YWHAQ: variants seen among roughly 807,000 people sequenced by gnomAD.
The protein encoded by YWHAQ is tyrosine 3-monooxygenase/tryptophan 5-monooxygenase activation protein theta, also known as 14-3-3 protein theta.
In YWHAQ, 6 loss-of-function variants were observed where a neutral mutation model predicts 28.3. That is an observed-to-expected ratio of 0.21 (90% CI 0.12 to 0.42). The LOEUF is 0.42. Among genes scored for constraint, YWHAQ ranks in the 10% least tolerant of loss-of-function variants. The pLI is 1.00. For synonymous variants in YWHAQ, 143 were observed against 119.1 expected, an observed-to-expected ratio of 1.20 and a Z score of -1.31; for missense variants, 201 against 305.6, an observed-to-expected ratio of 0.66 and a Z score of 2.55.
Position 9,630,443 on chromosome 2 carries a change from T to C in YWHAQ, c.10A>G (p.Thr4Ala), listed in dbSNP as rs1390448720. The C allele has an allele frequency of 6.2e-7, 1 of 1,607,156 alleles. No individual in the cohort carries two copies. Among genetic ancestry groups the C allele is most frequent in the African/African-American group, 1.3e-5 (1 of 74,968 alleles). The stretch of plus-strand genomic sequence containing the variant: ...AGCTTGGCCTTCTGGATCAGCTCAG[T>C]CTTCTCCATGGCGGGCGCGGGGCCG... MEK[T>A]ELIQKAKLAE... The change falls in exon 2 of 6, where the codon ACT becomes GCT. Residue 4 changes from threonine (T) to alanine (A), a missense_variant. Thr to Ala is a moderately conservative substitution (Grantham distance 58). Coordinates refer to ENST00000238081, the MANE Select transcript of YWHAQ (RefSeq NM_006826.4). The surrounding 1 kb of genome is among the most constrained non-coding windows in gnomAD (Gnocchi z 5.6).
chr2:9,613,386 T>C (rs1666986707), intron 2 of YWHAQ, among the ~76,000 whole-genome samples: 1 of 152,242 alleles, frequency 6.6e-6, no homozygotes, highest in Admixed American at 6.5e-5. Context: ...GTTGTCATGA[T>C]GTCAGAGAAT....
At chr2:9,599,090 G>A (rs866736805) in intron 2 of YWHAQ, among the ~76,000 whole-genome samples, 22 of 152,296 alleles carry the variant, frequency 1.4e-4, no homozygotes, top group African/African-American at 5.3e-4. Flanking sequence ...AACTTTATGT[G>A]GTCTGAATAG....
intron 2 of YWHAQ, among the ~76,000 whole-genome samples, chr2:9,608,319 A>G (rs890894867): frequency 3.9e-5 from 6 of 152,230 alleles, no homozygotes; most frequent in African/African-American, 2.4e-5. Context: ...AGCTACAGCA[A>G]TAAGTGAAAG....
chr2:9,624,882 A>G (rs1234615144), intron 2 of YWHAQ, among the ~76,000 whole-genome samples: 1 of 151,630 alleles, frequency 6.6e-6, no homozygotes, highest in African/African-American at 2.4e-5. Flanking sequence ...AACTGGGATT[A>G]CAGGTGCCCG....
chr2:9,597,695 G>A (rs1666602176), intron 2 of YWHAQ, among the ~76,000 whole-genome samples: 1 of 148,800 alleles, frequency 6.7e-6, no homozygotes. Flanking sequence ...ATCCAAGAAT[G>A]ATGAATCAAC....
intron 2 of YWHAQ, among the ~76,000 whole-genome samples, chr2:9,599,735 A>G (rs1666650839): frequency 6.6e-6 from 1 of 152,222 alleles, no homozygotes; most frequent in Non-Finnish European, 1.5e-5. Flanking sequence ...CCTGTTTACC[A>G]AAGAGCTCTG....
rs546875405 is a variant in YWHAQ at position 9,624,522 on chromosome 2, T to TGG, written c.294+5635_294+5636dup. ...CATCTCAACCTTGGCATTATTGGCA[T>TGG]GGGGGGGGCTGGGGTCTTCGTTGGG... is the stretch of plus-strand genomic sequence containing the variant. On this transcript the variant is annotated intron_variant, in intron 2 of 5. Transcript: ENST00000238081. Among the ~76,000 whole-genome samples, 6 of 151,608 alleles carry TGG rather than the reference T, an allele frequency of 4.0e-5. No individual in the cohort carries two copies. In the South Asian group the frequency reaches 1.0e-3, roughly 26 times the overall value.
chr2:9,590,915 T>G (rs761784594), intron 3 of YWHAQ, among the ~76,000 whole-genome samples: 3 of 152,200 alleles, frequency 2.0e-5, no homozygotes, highest in Non-Finnish European at 4.4e-5. Context: ...TTATATGTAA[T>G]TAGCAGTCAA....
chr2:9,610,263 T>C (rs943675456), intron 2 of YWHAQ, among the ~76,000 whole-genome samples: 2 of 152,222 alleles, frequency 1.3e-5, no homozygotes, highest in African/African-American at 4.8e-5. Flanking sequence ...TTAACCAATA[T>C]CTACATGCTA....
At chr2:9,595,179 C>T (rs1056538069) in intron 2 of YWHAQ, among the ~76,000 whole-genome samples, 17 of 152,170 alleles carry the variant, frequency 1.1e-4, no homozygotes, top group Admixed American at 1.0e-3. Flanking sequence ...TTTCCATATA[C>T]TATCAGTAGT....
chr2:9,587,894 ATCTTTT>A, intron 4 of YWHAQ, among the ~76,000 whole-genome samples: 3 of 152,152 alleles, frequency 2.0e-5, no homozygotes, highest in Non-Finnish European at 4.4e-5. Flanking sequence ...TGACTTTCTA[ATCTTTT>A]ATGTTTCCTT....
rs1284736029 is a variant in YWHAQ, at chr2:9,584,658, T to TA, written c.*627dup. The TA allele has an allele frequency of 3.9e-5, 6 of 152,556 alleles. No individual in the cohort carries two copies. The allele number at this position is 152,556 out of a possible 1,614,324, so 9.5% of individuals were successfully genotyped here. Reference sequence around the variant, plus strand: ...TTATTGGGAGGGGAGGTTGGCAACTTAAACAGCAGCAAATAAAGAGTGAAT... The same window carrying TA: ...TTATTGGGAGGGGAGGTTGGCAACTTAAAACAGCAGCAAATAAAGAGTGAAT... On this transcript the variant is annotated 3_prime_UTR_variant, in exon 6 of 6. Transcript: ENST00000238081.
intron 2 of YWHAQ, among the ~76,000 whole-genome samples, chr2:9,626,452 CAG>C (rs1667248250): frequency 6.6e-6 from 1 of 152,130 alleles, no homozygotes; most frequent in South Asian, 2.1e-4. Flanking sequence ...TTTTTGTTTT[CAG>C]AGTCTCGCTC....
chr2:9,619,270 T>C (rs937819383), intron 2 of YWHAQ, among the ~76,000 whole-genome samples: 1 of 152,186 alleles, frequency 6.6e-6, no homozygotes, highest in South Asian at 2.1e-4. Context: ...AAGGATCACC[T>C]TCCAGAGATG....
chr2:9,603,671 C>T (rs1666759122), intron 2 of YWHAQ, among the ~76,000 whole-genome samples: 1 of 151,792 alleles, frequency 6.6e-6, no homozygotes, highest in African/African-American at 2.4e-5. Context: ...ACCTGGTAAT[C>T]CCAACACTTC....
chr2:9,613,340 A>G (rs1666986223), intron 2 of YWHAQ, among the ~76,000 whole-genome samples: 1 of 152,214 alleles, frequency 6.6e-6, no homozygotes, highest in African/African-American at 2.4e-5. Flanking sequence ...ATTAACTGGA[A>G]TATTTGCCAA....
At chr2:9,589,890 C>T (rs1666425488) in intron 3 of YWHAQ, among the ~76,000 whole-genome samples, 1 of 152,158 alleles carries the variant, frequency 6.6e-6, no homozygotes, top group African/African-American at 2.4e-5. Flanking sequence ...TATGAGGCCA[C>T]TGGCCTATTA....
At position 9,585,266 on chromosome 2, in the gene YWHAQ, G is replaced by A. The variant is rs41264177; in HGVS notation, c.*20C>T. On this transcript the variant is annotated 3_prime_UTR_variant, in exon 6 of 6. Transcript: ENST00000238081. The stretch of plus-strand genomic sequence containing the variant: ...TAAAAAGGTTTCTTGAAGGAAAGAA[G>A]GATGACACCCTGTATGGATTTAGTT... The A allele has an allele frequency of 2.0e-5, 32 of 1,613,858 alleles. No individual in the cohort carries two copies. The highest frequency in any genetic ancestry group is 2.5e-5 in the Non-Finnish European group (30 of 1,179,890).
rs1553375905 is a variant in YWHAQ at position 9,630,460 on chromosome 2, G to GGGGC, written c.-9_-8insGCCC. On this transcript the variant is annotated 5_prime_UTR_variant, in exon 2 of 6. Coordinates refer to ENST00000238081, the MANE Select transcript of YWHAQ (RefSeq NM_006826.4). The surrounding 1 kb of genome is among the most constrained non-coding windows in gnomAD (Gnocchi z 5.6). ...CAGCTCAGTCTTCTCCATGGCGGGCGCGGGGCCGGGGCCGGGGCGGAGGGC... is the reference window on the plus strand; with the variant it reads ...CAGCTCAGTCTTCTCCATGGCGGGCGGGGCCGGGGCCGGGGCCGGGGCGGAGGGC... The GGGGC allele has an allele frequency of 2.5e-6, 4 of 1,575,672 alleles. No homozygotes were observed. The highest frequency in any genetic ancestry group is 3.4e-6 in the Non-Finnish European group (4 of 1,161,782).
Sources: allele counts gnomAD v4.1 joint callset (sites outside exome capture counted in the v4.1 genomes callset), GRCh38; gene constraint gnomAD v4.1.1; non-coding constraint Gnocchi (gnomAD v3.1); transcripts MANE v1.5; gene names NCBI Gene and HGNC (gene_info 2026-07-23, HGNC 2026-07-21).